Variants in PKD1L3 observed in about 807,000 individuals in gnomAD.
The protein encoded by PKD1L3 is polycystin-1-like protein 3.
PKD1L3 carries 239 observed loss-of-function variants against 184.1 expected under a neutral mutation model. The ratio of observed to expected loss-of-function variants is 1.30; its 90% CI spans 1.17 to 1.45. The LOEUF (loss-of-function observed/expected upper bound fraction) is 1.45, where lower values mean the gene tolerates loss of function less well. Ranked by LOEUF, PKD1L3 falls within the 40% of genes most tolerant of loss-of-function variation. PKD1L3 has a pLI of 0.00. For missense variants in PKD1L3, 2,660 were observed against 2,067.2 expected (o/e 1.29, Z -5.56); for synonymous variants, 996 against 778.8 (o/e 1.28, Z -4.64).
intron 24 of PKD1L3, among the ~76,000 whole-genome samples, chr16:71,939,798 T>C (rs781062692): frequency 8.6e-5 from 13 of 152,014 alleles, no homozygotes; most frequent in Non-Finnish European, 1.9e-4. Flanking sequence ...CTGTGAAAGG[T>C]GGGGGAACTG....
intron 9 of PKD1L3, 103 bp downstream of exon 9, chr16:71,979,683 T>A: frequency 1.5e-6 from 2 of 1,326,740 alleles, no homozygotes; most frequent in South Asian, 3.6e-5. Flanking sequence ...TCATCTGATC[T>A]GGTCTGTTCA....
intron 4 of PKD1L3, among the ~76,000 whole-genome samples, chr16:71,988,765 G>A (rs1257788404): frequency 1.3e-5 from 2 of 152,142 alleles, no homozygotes; most frequent in Non-Finnish European, 2.9e-5. Flanking sequence ...AGTTTTATGT[G>A]GCACAGGAGC....
At chr16:71,967,676 G>A (rs1296584624) in intron 14 of PKD1L3, among the ~76,000 whole-genome samples, 2 of 152,108 alleles carry the variant, frequency 1.3e-5, no homozygotes, top group Non-Finnish European at 2.9e-5. Context: ...TGTTGGCCAG[G>A]CTGGTCTCAA....
intron 24 of PKD1L3, among the ~76,000 whole-genome samples, chr16:71,940,357 C>T (rs2038319307): frequency 6.6e-6 from 1 of 152,062 alleles, no homozygotes; most frequent in African/African-American, 2.4e-5. Context: ...AGATCCCTTC[C>T]CTCAACTTGC....
chr16:71,998,183 C>T, intron 2 of PKD1L3, 89 bp downstream of exon 2: 1 of 1,484,050 alleles, frequency 6.7e-7, no homozygotes, highest in South Asian at 1.2e-5. Context: ...CACTCACAGA[C>T]TATTTAACCA....
At chr16:71,939,649 C>G (rs1401492582) in intron 24 of PKD1L3, among the ~76,000 whole-genome samples, 1 of 152,082 alleles carries the variant, frequency 6.6e-6, no homozygotes, top group African/African-American at 2.4e-5. Flanking sequence ...TCATTAGAAA[C>G]AAGCATAAGA....
At chr16:71,980,734 C>T (rs1046275700) in intron 7 of PKD1L3, among the ~76,000 whole-genome samples, 1 of 152,156 alleles carries the variant, frequency 6.6e-6, no homozygotes, top group Non-Finnish European at 1.5e-5. Flanking sequence ...ACTTGGGAGG[C>T]TGAGGTGGAA....
chr16:71,932,219 TC>T (rs1946733238), intron 28 of PKD1L3, among the ~76,000 whole-genome samples: 1 of 152,220 alleles, frequency 6.6e-6, no homozygotes, highest in South Asian at 2.1e-4. Flanking sequence ...TCAACCATGA[TC>T]AAAATCTTGC....
intron 9 of PKD1L3, among the ~76,000 whole-genome samples, chr16:71,979,392 C>T (rs570136559): frequency 7.9e-5 from 12 of 152,104 alleles, no homozygotes; most frequent in Admixed American, 2.6e-4. Flanking sequence ...TGCAGTGAGC[C>T]GAGATCACGC....
intron 22 of PKD1L3, among the ~76,000 whole-genome samples, chr16:71,944,648 C>A (rs1256053140): frequency 6.6e-6 from 1 of 151,562 alleles, no homozygotes; most frequent in Non-Finnish European, 1.5e-5. Context: ...ATAGTTTGAG[C>A]TCAGGAGTTT....
chr16:71,939,269 A>G (rs1468716553), intron 24 of PKD1L3, among the ~76,000 whole-genome samples: 2 of 152,210 alleles, frequency 1.3e-5, no homozygotes, highest in Admixed American at 6.5e-5. Flanking sequence ...TTGCTCATCC[A>G]TACATACCTC....
intron 16 of PKD1L3, among the ~76,000 whole-genome samples, chr16:71,958,773 T>C (rs1473406094): frequency 3.2e-5 from 3 of 95,222 alleles, no homozygotes; most frequent in Non-Finnish European, 5.6e-5. Context: ...AGAGCAAGAC[T>C]CTATCTCAAA....
chr16:71,991,650 G>A (rs760443659), intron 3 of PKD1L3, among the ~76,000 whole-genome samples: 2 of 152,136 alleles, frequency 1.3e-5, no homozygotes, highest in African/African-American at 2.4e-5. Context: ...CAGCAATATG[G>A]CACGTAGATA....
rs1437043514 is a variant in PKD1L3 at position 71,942,657 on chromosome 16, G to T, written c.4227C>A (p.Tyr1409Ter). ...GCACCATGGGCCTGGGTGAACAGAT[G>T]TAACTGAACCTCCTTAGATGAAGTC... ...FPGLHLRRFSYICSPRPMVLI... is the reference protein window; with the variant it reads ...FPGLHLRRFS Residue 1409 changes from tyrosine to a stop codon, truncating the protein, a stop_gained, in exon 24 of 30, where the codon TAC becomes TAA. Transcript: ENST00000620267. LOFTEE classifies it high-confidence loss of function. The T allele has an allele frequency of 1.3e-6, 2 of 1,551,644 alleles. No individual in the cohort carries two copies. The highest frequency in any genetic ancestry group is 1.7e-6 in the Non-Finnish European group (2 of 1,147,018).
intron 4 of PKD1L3, among the ~76,000 whole-genome samples, chr16:71,989,240 C>T (rs548207804): frequency 2.6e-5 from 4 of 152,180 alleles, no homozygotes; most frequent in East Asian, 1.9e-4. Flanking sequence ...CTGCAAACTC[C>T]GCCTCCTGGG....
chr16:71,933,885 A>T, intron 27 of PKD1L3, 30 bp downstream of exon 27: 1 of 1,544,784 alleles, frequency 6.5e-7, no homozygotes, highest in Non-Finnish European at 8.8e-7. Flanking sequence ...CAGCACACGG[A>T]GAAGGAGAGA....
intron 18 of PKD1L3, among the ~76,000 whole-genome samples, chr16:71,952,592 T>TGGGAGGCCAAGATGGGAGGATGGC (rs1555516714): frequency 6.8e-6 from 1 of 147,376 alleles, no homozygotes; most frequent in Admixed American, 6.7e-5. Context: ...CCCAGCACTT[T>TGGGAGGCCAAGATGGGAGGATGGC]GGGAGGCCAA....
At chr16:71,932,532 G>A (rs1164727164) in intron 28 of PKD1L3, among the ~76,000 whole-genome samples, 1 of 151,690 alleles carries the variant, frequency 6.6e-6, no homozygotes, top group Non-Finnish European at 1.5e-5. Context: ...GGAGTGCAGT[G>A]GCACAATCTC....
intron 16 of PKD1L3, 67 bp from the exon 17 acceptor site, chr16:71,954,368 T>C (rs2038967832): frequency 7.6e-7 from 1 of 1,312,074 alleles, no homozygotes; most frequent in South Asian, 1.5e-5. Context: ...GTTTAAGATG[T>C]GATTTGCCCA....
Sources: allele counts gnomAD v4.1 joint callset (sites outside exome capture counted in the v4.1 genomes callset), GRCh38; gene constraint gnomAD v4.1.1; transcripts MANE v1.5; gene names NCBI Gene and HGNC (gene_info 2026-07-23, HGNC 2026-07-21).